Variants in DDI2 observed in about 807,000 individuals in gnomAD.
DDI2 encodes protein DDI1 homolog 2.
In DDI2, 5 loss-of-function variants were observed where a neutral mutation model predicts 48.1. That is an observed-to-expected ratio of 0.10 (90% CI 0.05 to 0.22). The LOEUF is 0.22. Among genes scored for constraint, DDI2 ranks in the 10% least tolerant of loss-of-function variants. The pLI, the probability that DDI2 is intolerant of heterozygous loss-of-function variation, is 1.00. For missense variants in DDI2, 285 were observed against 506.2 expected (o/e 0.56, Z 4.19); for synonymous variants, 205 against 183.6 (o/e 1.12, Z -0.94).
At chr1:15,632,968 G>A (rs977392594) in intron 3 of DDI2, among the ~76,000 whole-genome samples, 1 of 144,152 alleles carries the variant, frequency 6.9e-6, no homozygotes, top group African/African-American at 2.6e-5. Context: ...TGTCACCCAG[G>A]CTGGAGTGTG....
chr1:15,630,187 T>G lies in DDI2; in HGVS notation c.269-138T>G. The G allele has an allele frequency of 6.4e-6, 5 of 777,040 alleles. No homozygotes were observed. The South Asian group carries it at 6.7e-5, about 10-fold the overall frequency. The allele number at this position is 777,040 out of a possible 1,614,324, so 48.1% of individuals were successfully genotyped here. A position where few individuals can be genotyped will look rare whatever the true frequency, so the allele number is the denominator to read the frequency against. ...GCAGTCTTTATATTCAGAGTCATCA[T>G]GAGAAAGAACAAGGTTAAAGTCTAC... On this transcript the variant is annotated intron_variant, in intron 2 of 9. Coordinates refer to ENST00000480945, the MANE Select transcript of DDI2 (RefSeq NM_032341.5).
intron 3 of DDI2, among the ~76,000 whole-genome samples, chr1:15,631,010 A>G (rs1255593618): frequency 6.6e-6 from 1 of 152,022 alleles, no homozygotes; most frequent in Non-Finnish European, 1.5e-5. Flanking sequence ...CACCTGGCTA[A>G]TTTTTTGTAT....
chr1:15,633,665 C>G (rs1639882212), intron 4 of DDI2, 100 bp downstream of exon 4: 7 of 1,555,322 alleles, frequency 4.5e-6, no homozygotes, highest in Middle Eastern at 1.7e-4. Context: ...GAGGTAGCTT[C>G]TCTGTTTTGC....
intron 4 of DDI2, among the ~76,000 whole-genome samples, chr1:15,637,406 C>G (rs2103469634): frequency 6.6e-6 from 1 of 152,286 alleles, no homozygotes; most frequent in Non-Finnish European, 1.5e-5. Context: ...GTGTCTCGCT[C>G]TGTCGCTCAG....
intron 4 of DDI2, among the ~76,000 whole-genome samples, chr1:15,634,539 C>CTTTTT (rs370728497): frequency 2.0e-5 from 2 of 100,138 alleles, no homozygotes; most frequent in African/African-American, 9.0e-5. Flanking sequence ...TTCTTTTTAT[C>CTTTTT]TTTTTTTTTT....
In DDI2 at chr1:15,651,814, G is replaced by T; in HGVS notation, c.1102G>T (p.Ala368Ser). The change falls in exon 8 of 10, where the codon GCT becomes TCT. Residue 368 changes from alanine to serine, a missense_variant. This residue lies in a region of DDI2 where 66 missense variants were observed against 87.3 expected (regional missense o/e 0.76). Coordinates refer to ENST00000480945, the MANE Select transcript of DDI2 (RefSeq NM_032341.5). ...LPECARLAYG[A>S]GREDVRPEEI... is the part of the protein sequence containing the mutation. ...AGAGTGTGCCCGGTTGGCATATGGG[G>T]CTGGAAGAGAGGATGTACGGCCAGA... The T allele has an allele frequency of 6.2e-7, 1 of 1,614,078 alleles. No homozygotes were observed. Among genetic ancestry groups the T allele is most frequent in the Non-Finnish European group, 8.5e-7 (1 of 1,179,982 alleles).
intron 1 of DDI2, among the ~76,000 whole-genome samples, chr1:15,626,421 G>A (rs1167015548): frequency 6.6e-6 from 1 of 152,194 alleles, no homozygotes; most frequent in African/African-American, 2.4e-5. Context: ...CCCTGAAGGG[G>A]AAGTTGATCC....
At chr1:15,629,115 CTTCT>C (rs1639804218) in intron 2 of DDI2, among the ~76,000 whole-genome samples, 1 of 152,048 alleles carries the variant, frequency 6.6e-6, no homozygotes, top group Non-Finnish European at 1.5e-5. Flanking sequence ...AGTCCCTTTT[CTTCT>C]TTCTTTTCTA....
chr1:15,641,515 A>C (rs1440360344), intron 5 of DDI2, among the ~76,000 whole-genome samples: 2 of 151,978 alleles, frequency 1.3e-5, no homozygotes, highest in Non-Finnish European at 2.9e-5. Flanking sequence ...AAAGGTAGAC[A>C]CAGATCTGGA....
At chr1:15,621,388 A>G (rs1401652114) in intron 1 of DDI2, among the ~76,000 whole-genome samples, 2 of 151,896 alleles carry the variant, frequency 1.3e-5, no homozygotes, top group Non-Finnish European at 1.5e-5. Context: ...CCACTATTTT[A>G]TCTTCTGTGT....
At chr1:15,626,541 TGTG>T in intron 1 of DDI2, 125 bp from the exon 2 acceptor site, 1 of 1,319,310 alleles carries the variant, frequency 7.6e-7, no homozygotes. Context: ...TTGTTCTGGA[TGTG>T]GTGGGAATCC....
chr1:15,645,595 G>A (rs994978079), intron 6 of DDI2, among the ~76,000 whole-genome samples: 80 of 151,750 alleles, frequency 5.3e-4, no homozygotes, highest in African/African-American at 1.8e-3. Flanking sequence ...CTGGCTGGCC[G>A]GGATGGCTCA....
rs757277664 is a variant in DDI2, at chr1:15,660,181, A to G, written c.*391A>G. 6.2e-7 allele frequency: 1 copy of G among 1,614,216 alleles called. No homozygotes were observed. The highest frequency in any genetic ancestry group is 1.7e-5 in the Admixed American group (1 of 60,024). ...TATGCAGAATTCATCCGAAGAAATA[A>G]CTGTTGCAGGTAATCTGGAGAAATC... is the stretch of plus-strand genomic sequence containing the variant. On this transcript the variant is annotated 3_prime_UTR_variant, in exon 10 of 10. Transcript: ENST00000480945.
intron 6 of DDI2, among the ~76,000 whole-genome samples, chr1:15,646,859 A>G (rs2103475252): frequency 6.6e-6 from 1 of 152,302 alleles, no homozygotes; most frequent in East Asian, 1.9e-4. Context: ...GAGAACTTCA[A>G]AAGTATAGAA....
rs572112396 is a variant in DDI2, at chr1:15,662,620, G to A, written c.*2830G>A. The A allele has an allele frequency of 1.3e-5, 2 of 152,318 alleles. No homozygotes were observed. Among genetic ancestry groups the A allele is most frequent in the South Asian group, 2.1e-4 (1 of 4,828 alleles). 9.4% of individuals were successfully genotyped at this position (152,318 alleles called of 1,614,324 possible). ...AACACCTCAACCCTTAATGACTAAT[G>A]GTGGAATTAAGTTCAGGAATGGATT... On this transcript the variant is annotated 3_prime_UTR_variant, in exon 10 of 10. Coordinates refer to ENST00000480945, the MANE Select transcript of DDI2 (RefSeq NM_032341.5).
chr1:15,623,426 T>C (rs1639701978), intron 1 of DDI2, among the ~76,000 whole-genome samples: 3 of 148,700 alleles, frequency 2.0e-5, no homozygotes, highest in African/African-American at 5.0e-5. Context: ...CAAGATCTTA[T>C]TCTGTTGCCC....
rs543837249 is a variant in DDI2, at chr1:15,651,857, A to T, written c.1145A>T (p.Glu382Val). ...DVRPEEIADQELAEALQKSAE... is the reference protein window; with the variant it reads ...DVRPEEIADQVLAEALQKSAE... ...CGGCCAGAGGAGATTGCAGACCAAG[A>T]ATTAGCAGAAGCCCTTCAAAAATCA... Residue 382 changes from glutamate (E) to valine (V), a missense_variant, in exon 8 of 10, where the codon GAA becomes GTA. Coordinates refer to ENST00000480945, the MANE Select transcript of DDI2 (RefSeq NM_032341.5). The T allele has an allele frequency of 1.9e-6, 3 of 1,613,814 alleles. No homozygotes were observed. The South Asian group carries it at 3.3e-5, about 18-fold the overall frequency.
chr1:15,621,178 G>C (rs1200830569), intron 1 of DDI2, among the ~76,000 whole-genome samples: 1 of 152,086 alleles, frequency 6.6e-6, no homozygotes, highest in Non-Finnish European at 1.5e-5. Flanking sequence ...AGACTTGCCT[G>C]GGTGAACTTC....
chr1:15,668,519 G>A lies in DDI2; in HGVS notation c.*8729G>A, dbSNP rs1404586731. The A allele has an allele frequency of 6.6e-6, 1 of 152,152 alleles. No homozygotes were observed. The highest frequency in any genetic ancestry group is 1.5e-5 in the Non-Finnish European group (1 of 68,032). The allele number at this position is 152,152 out of a possible 1,614,324, so 9.4% of individuals were successfully genotyped here. A position where few individuals can be genotyped will look rare whatever the true frequency, so the allele number is the denominator to read the frequency against. On this transcript the variant is annotated 3_prime_UTR_variant, in exon 10 of 10. Transcript: ENST00000480945. ...TTTATTTCAAATCTCTTCATGGCAA[G>A]TTGGGCTAATGGACTTTGCACTCAA...
Sources: gnomAD v4.1 joint callset for allele counts (sites outside exome capture counted in the v4.1 genomes callset) on GRCh38, gnomAD v4.1.1 for gene constraint, gnomAD v4.1.1 regional missense constraint, MANE v1.5 for transcripts, NCBI Gene and HGNC (gene_info 2026-07-23, HGNC 2026-07-21) for gene names.